Variants in OR1J2 observed in about 807,000 individuals in gnomAD.
OR1J2 encodes olfactory receptor family 1 subfamily J member 2.
For synonymous variants in OR1J2, 142 were observed against 99.7 expected (o/e 1.42, Z -2.52); for missense variants, 304 against 246.1 (o/e 1.24, Z -1.57).
At chr9:122,555,661 T>G in the OR1J2 span, among the ~76,000 whole-genome samples, 1 of 152,200 alleles carries the variant, frequency 6.6e-6, no homozygotes, top group Non-Finnish European at 1.5e-5. Context: ...GTAGCAAGTT[T>G]GAAATTTGTA....
the OR1J2 span, among the ~76,000 whole-genome samples, chr9:122,472,085 A>C: frequency 1.3e-5 from 2 of 152,198 alleles, no homozygotes; most frequent in African/African-American, 4.8e-5. Context: ...CGCAGGGTGC[A>C]TAACCCTGAA....
the OR1J2 span, among the ~76,000 whole-genome samples, chr9:122,532,943 A>G: frequency 6.6e-6 from 1 of 152,138 alleles, no homozygotes; most frequent in East Asian, 1.9e-4. Context: ...ATGCCGAGAT[A>G]GGTAACAGAT....
the OR1J2 span, among the ~76,000 whole-genome samples, chr9:122,457,012 A>G: frequency 0.18 from 26,797 of 152,190 alleles, 2,761 homozygotes; most frequent in African/African-American, 0.27. Context: ...AAAATGTGGT[A>G]AGTATACACC....
chr9:122,575,089 A>G, the OR1J2 span, among the ~76,000 whole-genome samples: 5 of 152,122 alleles, frequency 3.3e-5, no homozygotes, highest in African/African-American at 4.8e-5. Flanking sequence ...ACATTGTTGG[A>G]TTCAATTTGC....
chr9:122,565,136 A>T, the OR1J2 span, among the ~76,000 whole-genome samples: 1 of 152,214 alleles, frequency 6.6e-6, no homozygotes, highest in Non-Finnish European at 1.5e-5. Context: ...TACACCCAAG[A>T]GAGAGGCACT....
At chr9:122,495,985 C>G in the OR1J2 span, among the ~76,000 whole-genome samples, 7 of 152,130 alleles carry the variant, frequency 4.6e-5, no homozygotes, top group African/African-American at 1.4e-4. Context: ...GTGGAGCTAC[C>G]AGGCCCTGGG....
chr9:122,505,414 A>G, the OR1J2 span, among the ~76,000 whole-genome samples: 24 of 152,134 alleles, frequency 1.6e-4, no homozygotes, highest in Non-Finnish European at 2.5e-4. Context: ...CTATTAATCA[A>G]TTAACCCATT....
At chr9:122,531,851 A>G in the OR1J2 span, among the ~76,000 whole-genome samples, 2 of 152,206 alleles carry the variant, frequency 1.3e-5, no homozygotes, top group African/African-American at 4.8e-5. Context: ...AGAAATGACC[A>G]TGGTGGCCTT....
chr9:122,491,394 A>G, the OR1J2 span, among the ~76,000 whole-genome samples: 3 of 152,010 alleles, frequency 2.0e-5, no homozygotes, highest in Non-Finnish European at 4.4e-5. Context: ...GAGGTTAGTA[A>G]AAGCTGAGGA....
the OR1J2 span, chr9:122,567,121 TCTTC>T: frequency 0.032 from 4,935 of 153,730 alleles, 270 homozygotes; most frequent in African/African-American, 0.11. Flanking sequence ...TATATCCTCC[TCTTC>T]CTTCATTCTT....
the OR1J2 span, among the ~76,000 whole-genome samples, chr9:122,557,344 T>C: frequency 2.0e-5 from 3 of 152,244 alleles, no homozygotes; most frequent in African/African-American, 4.8e-5. Context: ...TTAAGTATGA[T>C]ATTAACTGTA....
the OR1J2 span, among the ~76,000 whole-genome samples, chr9:122,483,281 A>G: frequency 0.014 from 2,201 of 152,288 alleles, 39 homozygotes; most frequent in African/African-American, 0.049. Flanking sequence ...ATTGCTCACA[A>G]TTCTCCAGAA....
At chr9:122,540,674 G>A in the OR1J2 span, among the ~76,000 whole-genome samples, 1 of 152,184 alleles carries the variant, frequency 6.6e-6, no homozygotes, top group Non-Finnish European at 1.5e-5. Context: ...TAGCTTGATG[G>A]GGATGGCATT....
At chr9:122,477,060 A>G in the OR1J2 span, 2 of 1,614,088 alleles carry the variant, frequency 1.2e-6, no homozygotes, top group Non-Finnish European at 1.7e-6. Context: ...TCAGACTGTA[A>G]ATGAATGGGT....
chr9:122,536,389 C>G, the OR1J2 span, among the ~76,000 whole-genome samples: 2 of 152,144 alleles, frequency 1.3e-5, no homozygotes, highest in Non-Finnish European at 2.9e-5. Flanking sequence ...ACTCATGCAT[C>G]TAATTTCACT....
At chr9:122,531,696 G>GA in the OR1J2 span, among the ~76,000 whole-genome samples, 1 of 152,216 alleles carries the variant, frequency 6.6e-6, no homozygotes, top group Non-Finnish European at 1.5e-5. Flanking sequence ...CCTGAAGACT[G>GA]AGGACCGTAA....
At chr9:122,506,052 A>T (rs1455605967), upstream of OR1J2, among the ~76,000 whole-genome samples, 1 of 152,174 alleles carries the variant, frequency 6.6e-6, no homozygotes. Flanking sequence ...CCTTTGGGCT[A>T]CCTGATGAGT....
chr9:122,483,958 A>G, the OR1J2 span, among the ~76,000 whole-genome samples: 1 of 152,110 alleles, frequency 6.6e-6, no homozygotes. Flanking sequence ...TCTCAGGTAA[A>G]CCCAATTTAT....
At chr9:122,469,688 C>A in the OR1J2 span, among the ~76,000 whole-genome samples, 2 of 152,072 alleles carry the variant, frequency 1.3e-5, no homozygotes, top group African/African-American at 4.8e-5. Context: ...TTTGGAACTC[C>A]CTAGAGACTT....
Sources: gnomAD v4.1 joint callset for allele counts (sites outside exome capture counted in the v4.1 genomes callset) on GRCh38, gnomAD v4.1.1 for gene constraint, MANE v1.5 for transcripts, NCBI Gene and HGNC (gene_info 2026-07-23, HGNC 2026-07-21) for gene names.